ZNF536: variants seen among roughly 807,000 people sequenced by gnomAD.
The protein encoded by ZNF536 is zinc finger protein 536.
A neutral mutation model predicts 84.5 loss-of-function variants in ZNF536; 13 were observed. The observed-to-expected ratio is 0.15, with a 90% CI of 0.10 to 0.24. The LOEUF is 0.24. Ranked by LOEUF, ZNF536 falls within the 10% of genes least tolerant of loss-of-function variation. The probability of loss-of-function intolerance (pLI) is 1.00; values close to 1 mark genes in which losing one functional copy is unlikely to be tolerated. For synonymous variants in ZNF536, 811 were observed against 742.5 expected (o/e 1.09, Z -1.50); for missense variants, 1,536 against 1,747.5 (o/e 0.88, Z 2.16).
At chr19:30,295,683 G>C (rs548159321) in intron 2 of ZNF536, among the ~76,000 whole-genome samples, 12 of 152,122 alleles carry the variant, frequency 7.9e-5, no homozygotes, top group Non-Finnish European at 1.2e-4. Context: ...GGGTCATTCC[G>C]TGCACATCTG....
At chr19:30,234,376 T>C (rs527695690) in intron 1 of ZNF536, among the ~76,000 whole-genome samples, 2 of 150,958 alleles carry the variant, frequency 1.3e-5, no homozygotes, top group Non-Finnish European at 2.9e-5. Flanking sequence ...ATTTGTCTAT[T>C]TGGGACCACT....
rs2052282486 is a variant in ZNF536, at chr19:30,445,494, C to T, written c.1932C>T (p.His644=). The T allele has an allele frequency of 6.2e-7, 1 of 1,614,070 alleles. No homozygotes were observed. The highest frequency in any genetic ancestry group is 8.5e-7 in the Non-Finnish European group (1 of 1,180,010). Residue 644 remains histidine, a synonymous_variant, in exon 2 of 5, where the codon CAC becomes CAT. Transcript: ENST00000355537. The surrounding 1 kb of genome is among the most constrained non-coding windows in gnomAD (Gnocchi z 4.5). Reference sequence around the variant, plus strand: ...GCGGCCGGGTGTTCCGCACTTACCACCAGGTGGTCGTGCACTCCCGTGTCC... The same window carrying T: ...GCGGCCGGGTGTTCCGCACTTACCATCAGGTGGTCGTGCACTCCCGTGTCC... The part of the protein sequence containing the change: ...PDCGRVFRTY[H]QVVVHSRVHK...
intron 1 of ZNF536, among the ~76,000 whole-genome samples, chr19:30,608,049 C>G (rs2047960292): frequency 6.6e-6 from 1 of 152,088 alleles, no homozygotes; most frequent in Non-Finnish European, 1.5e-5. Flanking sequence ...TTATTTCATG[C>G]AAAACTTCAC....
chr19:30,411,172 T>C (rs1328510365), intron 1 of ZNF536, among the ~76,000 whole-genome samples: 4 of 152,344 alleles, frequency 2.6e-5, no homozygotes, highest in Admixed American at 2.0e-4. Context: ...GTGGCATTGT[T>C]AGGTTGAACG....
At chr19:30,614,973 G>GTTT (rs2048235850) in intron 1 of ZNF536, among the ~76,000 whole-genome samples, 8 of 21,770 alleles carry the variant, frequency 3.7e-4, no homozygotes, top group Admixed American at 8.0e-4. Context: ...TTGAGGCGGA[G>GTTT]TTTCGCTCTG....
chr19:30,599,938 A>G (rs1328451072), intron 1 of ZNF536, among the ~76,000 whole-genome samples: 1 of 152,048 alleles, frequency 6.6e-6, no homozygotes, highest in Middle Eastern at 3.2e-3. Context: ...TCTTGGCTGT[A>G]GATTGGGTGT....
chr19:30,339,038 G>T (rs1054352690), intron 2 of ZNF536, among the ~76,000 whole-genome samples: 1 of 152,174 alleles, frequency 6.6e-6, no homozygotes, highest in African/African-American at 2.4e-5. Context: ...GGGCTGTAAA[G>T]TTCCGTAGCT....
In ZNF536 at chr19:30,390,346, G is replaced by A. The variant is rs568042024; in HGVS notation, c.-3+17790G>A. On this transcript the variant is annotated intron_variant, in intron 1 of 4. Coordinates refer to ENST00000355537, the MANE Select transcript of ZNF536 (RefSeq NM_014717.3). ...AAGCTCGCATGCTGAAAAAGGTCTAGATGAGAAGAAAAGGAAGCCCAAGTG... is the reference window on the plus strand; with the variant it reads ...AAGCTCGCATGCTGAAAAAGGTCTAAATGAGAAGAAAAGGAAGCCCAAGTG... Among the ~76,000 whole-genome samples, 32 of 152,310 alleles carry A rather than the reference G, an allele frequency of 2.1e-4. 1 individual carries two copies. The South Asian group carries it at 3.3e-3, about 16-fold the overall frequency.
chr19:30,464,932 C>A (rs1600853276), intron 2 of ZNF536, among the ~76,000 whole-genome samples: 2 of 152,128 alleles, frequency 1.3e-5, no homozygotes, highest in East Asian at 1.9e-4. Flanking sequence ...TGGCTGGAAC[C>A]CCCAAGGGAT....
At chr19:30,365,440 A>T (rs1234543777) in intron 3 of ZNF536, among the ~76,000 whole-genome samples, 2 of 152,212 alleles carry the variant, frequency 1.3e-5, no homozygotes, top group Admixed American at 1.3e-4. Flanking sequence ...AGGAACAGCC[A>T]TTGCAGTTCT....
At chr19:30,478,526 A>G (rs941986434) in intron 2 of ZNF536, among the ~76,000 whole-genome samples, 4 of 152,172 alleles carry the variant, frequency 2.6e-5, no homozygotes, top group Non-Finnish European at 5.9e-5. Flanking sequence ...CTCTGTACAC[A>G]TAAACTGCTG....
intron 2 of ZNF536, among the ~76,000 whole-genome samples, chr19:30,530,969 G>A (rs999100528): frequency 6.6e-6 from 1 of 152,176 alleles, no homozygotes; most frequent in African/African-American, 2.4e-5. Context: ...CCCTGCGGGT[G>A]TCCTGCCAGC....
intron 1 of ZNF536, among the ~76,000 whole-genome samples, chr19:30,598,418 C>T (rs1237730939): frequency 6.6e-6 from 1 of 152,194 alleles, no homozygotes; most frequent in Non-Finnish European, 1.5e-5. Context: ...ATCCCCTCCA[C>T]TCTGAGCCAC....
intron 2 of ZNF536, among the ~76,000 whole-genome samples, chr19:30,329,485 G>A (rs1289681189): frequency 2.0e-5 from 3 of 152,116 alleles, no homozygotes; most frequent in Admixed American, 2.0e-4. Context: ...AAGGAGTTAA[G>A]TTTTTGGAGT....
chr19:30,328,583 C>T (rs1274769626), intron 2 of ZNF536, among the ~76,000 whole-genome samples: 2 of 152,198 alleles, frequency 1.3e-5, no homozygotes, highest in African/African-American at 4.8e-5. Context: ...ACTAATCACT[C>T]AAGTTCCATT....
chr19:30,665,557 C>T (rs1010139998), intron 1 of ZNF536: 3 of 152,112 alleles, frequency 2.0e-5, no homozygotes, highest in Non-Finnish European at 4.4e-5. Context: ...AGGAAAATCA[C>T]CTTTGCTGCA....
chr19:30,634,776 G>C (rs930663922), intron 1 of ZNF536, among the ~76,000 whole-genome samples: 1 of 151,872 alleles, frequency 6.6e-6, no homozygotes, highest in Non-Finnish European at 1.5e-5. Flanking sequence ...TTTTCATTTC[G>C]GGAGTGCAGC....
chr19:30,602,303 T>C (rs1264566539), intron 1 of ZNF536, among the ~76,000 whole-genome samples: 1 of 152,206 alleles, frequency 6.6e-6, no homozygotes, highest in Non-Finnish European at 1.5e-5. Context: ...AACAAGGCTT[T>C]ATGGAGTATC....
At chr19:30,578,567 G>T (rs953461629) in intron 1 of ZNF536, among the ~76,000 whole-genome samples, 4 of 152,232 alleles carry the variant, frequency 2.6e-5, no homozygotes, top group Non-Finnish European at 4.4e-5. Context: ...TGGGTTATAC[G>T]ACATGAGGAA....
Sources: gnomAD v4.1 joint callset for allele counts (sites outside exome capture counted in the v4.1 genomes callset) on GRCh38, gnomAD v4.1.1 for gene constraint, Gnocchi (gnomAD v3.1) non-coding constraint, MANE v1.5 for transcripts, NCBI Gene and HGNC (gene_info 2026-07-23, HGNC 2026-07-21) for gene names.